CHD3: variants seen among roughly 807,000 people sequenced by gnomAD.
CHD3 encodes ATP-dependent chromatin remodeler CHD3.
Under a neutral mutation model 248.9 loss-of-function variants are expected in CHD3, and 52 were observed. That is an observed-to-expected ratio of 0.21 (90% confidence interval 0.17 to 0.26). The LOEUF (loss-of-function observed/expected upper bound fraction) is 0.26, where lower values mean the gene tolerates loss of function less well. Among genes scored for constraint, CHD3 ranks in the 10% least tolerant of loss-of-function variants. CHD3 has a pLI of 1.00. For missense variants in CHD3, 1,482 were observed against 2,605.8 expected, an observed-to-expected ratio of 0.57 and a Z score of 9.39; for synonymous variants, 985 against 985.2, an observed-to-expected ratio of 1.00 and a Z score of 0.00.
In CHD3 at chr17:7,904,651, G is replaced by A. The variant is rs537839026; in HGVS notation, c.4072+32G>A. On this transcript the variant is annotated intron_variant, in intron 25 of 39. Transcript: ENST00000330494. This position sits in a 1 kb window ranked among gnomAD's most constrained non-coding sequence, Gnocchi z 4.4. Reference sequence around the variant, plus strand: ...ACTGCCCCAGATGCAGGCAGTAAAGGGGGGAAGTGATGATGAGTAGGGACT... The same window carrying A: ...ACTGCCCCAGATGCAGGCAGTAAAGAGGGGAAGTGATGATGAGTAGGGACT... 18 of 1,594,490 alleles carry A rather than the reference G, an allele frequency of 1.1e-5. No individual in the cohort carries two copies. Among genetic ancestry groups the A allele is most frequent in the African/African-American group, 2.7e-5 (2 of 74,598 alleles).
At position 7,905,146 on chromosome 17, in the gene CHD3, C is replaced by T. The variant is rs770219771; in HGVS notation, c.4119C>T (p.Asp1373=). Residue 1373 remains aspartate (D), a synonymous_variant, in exon 26 of 40, where the codon GAC becomes GAT. Transcript: ENST00000330494. The surrounding 1 kb of genome is among the most constrained non-coding windows in gnomAD (Gnocchi z 5.8). Reference sequence around the variant, plus strand: ...TGGGTTCAGAGGAGGAGGATGAAGACTTCGATGAACGTCCTGAAGGTGGCA... The same window carrying T: ...TGGGTTCAGAGGAGGAGGATGAAGATTTCGATGAACGTCCTGAAGGTGGCA... The part of the protein sequence containing the change: ...YSVGSEEEDE[D]FDERPEGRRQ... The T allele has an allele frequency of 3.4e-5, 55 of 1,614,038 alleles. No homozygotes were observed. In the East Asian group the frequency reaches 1.2e-3, roughly 36 times the overall value.
chr17:7,888,013 C>G (rs1446689799), upstream of CHD3, among the ~76,000 whole-genome samples: 1 of 152,220 alleles, frequency 6.6e-6, no homozygotes, highest in Non-Finnish European at 1.5e-5. Context: ...AGGCCGTGTC[C>G]CTGAACCTTA....
In CHD3 at chr17:7,902,690, G is replaced by T. The variant is rs748618377; in HGVS notation, c.3333G>T (p.Thr1111=). The change falls in exon 21 of 40, where the codon ACG becomes ACT. Residue 1111 remains threonine, a synonymous_variant. Coordinates refer to ENST00000330494, the MANE Select transcript of CHD3 (RefSeq NM_001005273.3). ...YKYERIDGGI[T]GALRQEAIDR... is the part of the protein sequence containing the mutation. The stretch of plus-strand genomic sequence containing the variant: ...ATGAGCGCATCGATGGTGGTATCAC[G>T]GGTGCCCTGAGGCAGGAGGCCATCG... 2 of 1,613,902 alleles carry T rather than the reference G, an allele frequency of 1.2e-6. No homozygotes were observed. Among genetic ancestry groups the T allele is most frequent in the Non-Finnish European group, 1.7e-6 (2 of 1,179,936 alleles).
chr17:7,900,633 G>A lies in CHD3; in HGVS notation c.2880G>A (p.Leu960=). 1 of 1,614,066 alleles carries A rather than the reference G, an allele frequency of 6.2e-7. No individual in the cohort carries two copies. The highest frequency in any genetic ancestry group is 8.5e-7 in the Non-Finnish European group (1 of 1,180,012). The change falls in exon 18 of 40, where the codon CTG becomes CTA. Residue 960 remains leucine (L), a synonymous_variant. Coordinates refer to ENST00000330494, the MANE Select transcript of CHD3 (RefSeq NM_001005273.3). The surrounding 1 kb of genome is among the most constrained non-coding windows in gnomAD (Gnocchi z 6.5). ...AGATCAAGAAACTGCATGATTTGCT[G>A]GGGCCACACATGCTGCGGAGACTCA... ...EDQIKKLHDL[L]GPHMLRRLKA...
In CHD3 at chr17:7,911,371, G is replaced by T. The variant is rs1208271703; in HGVS notation, c.5882-93G>T. 3 of 1,591,580 alleles carry T rather than the reference G, an allele frequency of 1.9e-6. No homozygotes were observed. In the Admixed American group the frequency reaches 5.1e-5, roughly 27 times the overall value. On this transcript the variant is annotated intron_variant, in intron 39 of 39. Coordinates refer to ENST00000330494, the MANE Select transcript of CHD3 (RefSeq NM_001005273.3). This position sits in a 1 kb window ranked among gnomAD's most constrained non-coding sequence, Gnocchi z 5.4. ...CACGTGGGACAACGGGAAGTGGCAG[G>T]AGGTGACCTAGAAGTGAGAATTCAC...
chr17:7,908,679 CT>C lies in CHD3; in HGVS notation c.5262-14del. 1 of 1,613,754 alleles carries C rather than the reference CT, an allele frequency of 6.2e-7. No homozygotes were observed. The highest frequency in any genetic ancestry group is 1.7e-5 in the Admixed American group (1 of 59,986). On this transcript the variant is annotated splice_polypyrimidine_tract_variant and intron_variant, in intron 35 of 39. Transcript: ENST00000330494. This position sits in a 1 kb window ranked among gnomAD's most constrained non-coding sequence, Gnocchi z 5.8. Reference sequence around the variant, plus strand: ...TTCCTGTTAAATTCCTTGATGGTTCCTTTTCCTTCATTGGTAGCCATGGCTA... The same window carrying C: ...TTCCTGTTAAATTCCTTGATGGTTCCTTTCCTTCATTGGTAGCCATGGCTA...
rs760647788 is a variant in CHD3, at chr17:7,907,663, G to C, written c.4987G>C (p.Glu1663Gln). Reference protein sequence around the residue: ...EKPLDGQEHRERPEGETGDLG... With the variant: ...EKPLDGQEHRQRPEGETGDLG... ...GCCGTTGGATGGACAGGAACACAGG[G>C]AGAGGCCGGAGGGGGAAACAGGGGA... Residue 1663 changes from glutamate to glutamine, a missense_variant, in exon 33 of 40, where the codon GAG becomes CAG. Coordinates refer to ENST00000330494, the MANE Select transcript of CHD3 (RefSeq NM_001005273.3). This position sits in a 1 kb window ranked among gnomAD's most constrained non-coding sequence, Gnocchi z 4.3. The C allele has an allele frequency of 2.7e-5, 42 of 1,535,310 alleles. No individual in the cohort carries two copies. Among genetic ancestry groups the C allele is most frequent in the Non-Finnish European group, 3.7e-5 (42 of 1,148,502 alleles).
chr17:7,907,988 C>A lies in CHD3; in HGVS notation c.5121C>A (p.Phe1707Leu). ...AGGAAAAGACAGAGAAGCCCCGGTT[C>A]ATGTTCAATATCGCCGATGGTGGCT... ...RREEKTEKPRFMFNIADGGFT... is the reference protein window; with the variant it reads ...RREEKTEKPRLMFNIADGGFT... The change falls in exon 34 of 40, where the codon TTC becomes TTA. Residue 1707 changes from phenylalanine to leucine, a missense_variant. By Grantham distance (22) the Phe-to-Leu change is conservative. Around this residue, in one of 20 missense-constraint regions of CHD3, gnomAD observed 254 missense variants for 266.7 expected, o/e 0.95. Transcript: ENST00000330494. This position sits in a 1 kb window ranked among gnomAD's most constrained non-coding sequence, Gnocchi z 4.3. 1 of 1,610,202 alleles carries A rather than the reference C, an allele frequency of 6.2e-7. No homozygotes were observed. The highest frequency in any genetic ancestry group is 8.5e-7 in the Non-Finnish European group (1 of 1,176,966).
intron 10 of CHD3, among the ~76,000 whole-genome samples, chr17:7,896,076 A>G (rs1969598499): frequency 6.6e-6 from 1 of 151,772 alleles, no homozygotes; most frequent in Non-Finnish European, 1.5e-5. Context: ...AAATACAAAA[A>G]AATTAGCTGG....
At chr17:7,898,730 C>G (rs1199639637) in intron 13 of CHD3, 135 bp downstream of exon 13, 1 of 770,034 alleles carries the variant, frequency 1.3e-6, no homozygotes, top group Non-Finnish European at 2.1e-6. Flanking sequence ...TCCAGTCTTG[C>G]CCCAAGAGTG....
chr17:7,897,419 A>AG lies in CHD3; in HGVS notation c.1919+126dup, dbSNP rs1436614162. ...ATCTAACCTTGATAACCTCTGCTGT[A>AG]GCTCCAGCCTTTCTGGCCTTGTTTC... is the stretch of plus-strand genomic sequence containing the variant. On this transcript the variant is annotated intron_variant, in intron 11 of 39. Transcript: ENST00000330494. The surrounding 1 kb of genome is among the most constrained non-coding windows in gnomAD (Gnocchi z 4.8). The AG allele has an allele frequency of 5.9e-6, 5 of 847,924 alleles. No homozygotes were observed. Among genetic ancestry groups the AG allele is most frequent in the African/African-American group, 1.7e-5 (1 of 59,194 alleles). 52.5% of individuals were successfully genotyped at this position (847,924 alleles called of 1,614,324 possible).
rs202059923 is a variant in CHD3 at position 7,906,929 on chromosome 17, A to G, written c.4564A>G (p.Ser1522Gly). ...AATGCCGGAACTGATGCCTGACCCC[A>G]GCGCCGATTCTAAGCGCTCCTCCAG... ...WSMPELMPDP[S>G]ADSKRSSRAS... Residue 1522 changes from serine (S) to glycine (G), a missense_variant, in exon 30 of 40, where the codon AGC becomes GGC. Coordinates refer to ENST00000330494, the MANE Select transcript of CHD3 (RefSeq NM_001005273.3). This position sits in a 1 kb window ranked among gnomAD's most constrained non-coding sequence, Gnocchi z 5.0. 464 of 1,614,086 alleles carry G rather than the reference A, an allele frequency of 2.9e-4. 1 individual carries two copies. Among genetic ancestry groups the G allele is most frequent in the Middle Eastern group, 1.2e-3 (7 of 6,062 alleles).
At position 7,897,314 on chromosome 17, in the gene CHD3, G is replaced by A; in HGVS notation, c.1919+20G>A. On this transcript the variant is annotated intron_variant, in intron 11 of 39. Transcript: ENST00000330494. This position sits in a 1 kb window ranked among gnomAD's most constrained non-coding sequence, Gnocchi z 4.8. ...CCACAGGTGAATCCTCGGTCCCTGG[G>A]AAGTCAGACCTGGTATATGACATTA... is the stretch of plus-strand genomic sequence containing the variant. The A allele has an allele frequency of 1.2e-6, 2 of 1,604,034 alleles. No homozygotes were observed. The highest frequency in any genetic ancestry group is 8.5e-7 in the Non-Finnish European group (1 of 1,172,976).
chr17:7,911,869 C>A lies in CHD3; in HGVS notation c.*284C>A. 2 of 721,562 alleles carry A rather than the reference C, an allele frequency of 2.8e-6. No homozygotes were observed. Among genetic ancestry groups the A allele is most frequent in the Non-Finnish European group, 2.1e-6 (1 of 481,484 alleles). The allele number at this position is 721,562 out of a possible 1,614,324, so 44.7% of individuals were successfully genotyped here. ...TTCCAAGTACCTTCCTCCCACACTG[C>A]CAAGTATACACAACTTCCCAGTAAA... On this transcript the variant is annotated 3_prime_UTR_variant, in exon 40 of 40. Transcript: ENST00000330494. The surrounding 1 kb of genome is among the most constrained non-coding windows in gnomAD (Gnocchi z 5.4).
intron 7 of CHD3, 72 bp from the exon 8 acceptor site, chr17:7,894,343 C>T: frequency 6.3e-7 from 1 of 1,589,670 alleles, no homozygotes; most frequent in Admixed American, 1.7e-5. Context: ...CTTCTCTCTT[C>T]AACCCTTCTC....
chr17:7,893,771 C>T (rs1969229742), intron 5 of CHD3, 34 bp from the exon 6 acceptor site: 2 of 1,609,446 alleles, frequency 1.2e-6, no homozygotes, highest in Non-Finnish European at 1.7e-6. Flanking sequence ...ATGACCTCTC[C>T]TTTTTCCTCT....
At chr17:7,890,468 G>A (rs1367895651) in intron 2 of CHD3, 103 bp from the exon 3 acceptor site, 2 of 826,396 alleles carry the variant, frequency 2.4e-6, no homozygotes, top group Non-Finnish European at 3.6e-6. Flanking sequence ...TACTATCACA[G>A]GATTGTTGTG....
At position 7,897,124 on chromosome 17, in the gene CHD3, G is replaced by C; in HGVS notation, c.1749G>C (p.Arg583=). ...FHLVMYRNYQ[R]KNDMDEPPPL... ...TGGTTATGTATCGAAACTACCAGCG[G>C]AAGAATGACATGGATGAGCCCCCAC... is the stretch of plus-strand genomic sequence containing the variant. The change falls in exon 11 of 40, where the codon CGG becomes CGC. Residue 583 remains arginine (R), a synonymous_variant. Transcript: ENST00000330494. This position sits in a 1 kb window ranked among gnomAD's most constrained non-coding sequence, Gnocchi z 4.8. 6.2e-7 allele frequency: 1 copy of C among 1,614,234 alleles called. No individual in the cohort carries two copies. The highest frequency in any genetic ancestry group is 1.1e-5 in the South Asian group (1 of 91,084).
rs1970623110 is a variant in CHD3 at position 7,904,099 on chromosome 17, T to C, written c.3894+108T>C. 8.3e-7 allele frequency: 1 copy of C among 1,202,474 alleles called. No homozygotes were observed. The highest frequency in any genetic ancestry group is 1.5e-5 in the African/African-American group (1 of 65,482). The allele number at this position is 1,202,474 out of a possible 1,614,324, so 74.5% of individuals were successfully genotyped here. ...GGGTCTGTCCCCCTTAAAACAGTAG[T>C]GGACCTCAAACAACTTCTTCGTCTA... On this transcript the variant is annotated intron_variant, in intron 24 of 39. Transcript: ENST00000330494. This position sits in a 1 kb window ranked among gnomAD's most constrained non-coding sequence, Gnocchi z 4.4.
Sources: allele counts gnomAD v4.1 joint callset (sites outside exome capture counted in the v4.1 genomes callset), GRCh38; gene constraint gnomAD v4.1.1; regional missense constraint gnomAD v4.1.1; non-coding constraint Gnocchi (gnomAD v3.1); transcripts MANE v1.5; gene names NCBI Gene and HGNC (gene_info 2026-07-23, HGNC 2026-07-21).